Variants in CELF2 observed in about 807,000 individuals in gnomAD.
The protein encoded by CELF2 is CUG triplet repeat RNA-binding protein 2.
Under a neutral mutation model 62.6 loss-of-function variants are expected in CELF2, and 8 were observed. The observed-to-expected ratio is 0.13, with a 90% CI of 0.07 to 0.23. The LOEUF is 0.23. Ranked by LOEUF, CELF2 falls within the 10% of genes least tolerant of loss-of-function variation. The pLI, the probability that CELF2 is intolerant of heterozygous loss-of-function variation, is 1.00. For synonymous variants in CELF2, 258 were observed against 250.0 expected, an observed-to-expected ratio of 1.03 and a Z score of -0.30; for missense variants, 333 against 671.0, an observed-to-expected ratio of 0.50 and a Z score of 5.56.
the CELF2 span, among the ~76,000 whole-genome samples, chr10:10,658,719 G>T: frequency 7.2e-5 from 11 of 152,086 alleles, no homozygotes; most frequent in Non-Finnish European, 1.6e-4. Flanking sequence ...CTGAATTTGT[G>T]AGTCTATTCT....
In CELF2 at chr10:11,117,829, A is replaced by G. The variant is rs79266692; in HGVS notation, c.75-47657A>G. ...CTGAGCTTCTGGTTCTGATCTTGTA[A>G]AAGCTAACTCATGCATGCACAACAT... On this transcript the variant is annotated intron_variant, in intron 1 of 12. Transcript: ENST00000633077. This position sits in a 1 kb window ranked among gnomAD's most constrained non-coding sequence, Gnocchi z 4.1. 0.023 allele frequency among the ~76,000 whole-genome samples: 3,541 copies of G among 152,286 alleles called. 53 individuals are homozygous for G. Among genetic ancestry groups the G allele is most frequent in the Middle Eastern group, 0.037 (11 of 294 alleles).
intron 2 of CELF2, among the ~76,000 whole-genome samples, chr10:11,194,150 C>G (rs796894931): frequency 6.6e-5 from 10 of 152,274 alleles, no homozygotes; most frequent in African/African-American, 2.4e-4. Context: ...ACTGCAACCT[C>G]CACCTCCCAG....
intron 1 of CELF2, among the ~76,000 whole-genome samples, chr10:10,812,440 C>T (rs1241794401): frequency 1.3e-5 from 2 of 152,158 alleles, no homozygotes; most frequent in African/African-American, 4.8e-5. Flanking sequence ...CATATCACCA[C>T]CACTCTCGAC....
At chr10:10,712,753 C>T in the CELF2 span, among the ~76,000 whole-genome samples, 1 of 152,190 alleles carries the variant, frequency 6.6e-6, no homozygotes, top group Non-Finnish European at 1.5e-5. Flanking sequence ...ATCTCTCAGG[C>T]TATGAGTCAT....
intron 1 of CELF2, among the ~76,000 whole-genome samples, chr10:10,857,118 G>C (rs560258035): frequency 2.8e-4 from 42 of 152,258 alleles, no homozygotes; most frequent in South Asian, 6.2e-4. Context: ...ACCAAGATTT[G>C]AGTTTGGAGA....
At chr10:11,284,700 TGATG>T (rs1263126408) in intron 8 of CELF2, among the ~76,000 whole-genome samples, 2 of 147,888 alleles carry the variant, frequency 1.4e-5, no homozygotes, top group African/African-American at 5.1e-5. Flanking sequence ...GATGAGTGGA[TGATG>T]GATGGATGGG....
the CELF2 span, among the ~76,000 whole-genome samples, chr10:10,725,351 C>T: frequency 2.6e-5 from 4 of 152,130 alleles, no homozygotes; most frequent in Admixed American, 6.5e-5. Context: ...TCCAAGTGGT[C>T]GATTCCATCA....
At chr10:10,670,594 ACAT>A in the CELF2 span, among the ~76,000 whole-genome samples, 1 of 152,178 alleles carries the variant, frequency 6.6e-6, no homozygotes, top group Non-Finnish European at 1.5e-5. Flanking sequence ...CTAGATTGAC[ACAT>A]CATTATCAAC....
the CELF2 span, among the ~76,000 whole-genome samples, chr10:10,675,074 T>C: frequency 1.3e-5 from 2 of 152,262 alleles, no homozygotes; most frequent in African/African-American, 4.8e-5. Flanking sequence ...TTTTTCTTTT[T>C]TGATGTGCTC....
intron 2 of CELF2, among the ~76,000 whole-genome samples, chr10:10,991,240 A>G (rs1439459370): frequency 6.6e-6 from 1 of 152,160 alleles, no homozygotes; most frequent in African/African-American, 2.4e-5. Flanking sequence ...ACATGTGTAT[A>G]TGTGTGTGCT....
Position 11,159,800 on chromosome 10 carries a change from T to G in CELF2, c.75-5686T>G, listed in dbSNP as rs77131976. Among the ~76,000 whole-genome samples, 3 of 152,232 alleles carry G rather than the reference T, an allele frequency of 2.0e-5. No individual in the cohort carries two copies. Among genetic ancestry groups the G allele is most frequent in the Admixed American group, 6.5e-5 (1 of 15,288 alleles). On this transcript the variant is annotated intron_variant, in intron 1 of 12. Transcript: ENST00000633077. This position sits in a 1 kb window ranked among gnomAD's most constrained non-coding sequence, Gnocchi z 5.0. ...TTTCCTGTAATAACCAAACAAAGCC[T>G]GTTTCTTCGTGTGCTATTACTTAAG...
At chr10:11,288,614 G>A (rs1247587313) in intron 9 of CELF2, 62 bp downstream of exon 9, 27 of 1,575,788 alleles carry the variant, frequency 1.7e-5, no homozygotes, top group Admixed American at 3.5e-5. Flanking sequence ...GTAGGTTTCC[G>A]TGCCTCCAGG....
At chr10:10,572,518 C>T in the CELF2 span, among the ~76,000 whole-genome samples, 2 of 151,888 alleles carry the variant, frequency 1.3e-5, no homozygotes, top group South Asian at 4.2e-4. Flanking sequence ...ACCCCACCTC[C>T]CCTGACAAGC....
At chr10:11,189,909 T>C (rs530927958) in intron 2 of CELF2, among the ~76,000 whole-genome samples, 173 of 152,314 alleles carry the variant, frequency 1.1e-3, no homozygotes, top group Non-Finnish European at 2.1e-3. Flanking sequence ...TTCTTTCTCC[T>C]CTCATTCCCT....
At chr10:10,481,155 A>G in the CELF2 span, among the ~76,000 whole-genome samples, 1 of 152,200 alleles carries the variant, frequency 6.6e-6, no homozygotes, top group Non-Finnish European at 1.5e-5. Context: ...TAGTCTAAAT[A>G]ATTGTATCCT....
intron 1 of CELF2, among the ~76,000 whole-genome samples, chr10:11,044,849 A>AAT (rs1447835451): frequency 1.3e-5 from 2 of 152,232 alleles, no homozygotes; most frequent in Non-Finnish European, 2.9e-5. Context: ...ATGATACCAC[A>AAT]ATACCAAAAG....
In CELF2 at chr10:11,204,717, AC is replaced by A. The variant is rs754821311; in HGVS notation, c.272-12704del. On this transcript the variant is annotated intron_variant, in intron 2 of 12. Transcript: ENST00000633077. The stretch of plus-strand genomic sequence containing the variant: ...TCAAAATGAAATCCAGCTGCTGGAA[AC>A]CCCTTGGCCAAGAGGTGCCTGACAC... 4.6e-5 allele frequency among the ~76,000 whole-genome samples: 7 copies of A among 152,042 alleles called. No individual in the cohort carries two copies. The East Asian group carries it at 1.2e-3, about 25-fold the overall frequency.
At chr10:11,304,425 A>T (rs1193799464) in intron 9 of CELF2, among the ~76,000 whole-genome samples, 1 of 152,200 alleles carries the variant, frequency 6.6e-6, no homozygotes, top group East Asian at 1.9e-4. Flanking sequence ...AGAGTACCTG[A>T]AAGTAATTTA....
At chr10:11,188,890 T>A (rs1403969860) in intron 2 of CELF2, among the ~76,000 whole-genome samples, 1 of 152,234 alleles carries the variant, frequency 6.6e-6, no homozygotes, top group East Asian at 1.9e-4. Flanking sequence ...TTCTTCAGTG[T>A]TTAATCTGCC....
Sources: allele counts gnomAD v4.1 joint callset (sites outside exome capture counted in the v4.1 genomes callset), GRCh38; gene constraint gnomAD v4.1.1; non-coding constraint Gnocchi (gnomAD v3.1); transcripts MANE v1.5; gene names NCBI Gene and HGNC (gene_info 2026-07-23, HGNC 2026-07-21).